Variants in FHIT observed in about 807,000 individuals in gnomAD.
FHIT encodes the protein fragile histidine triad diadenosine triphosphatase, also known as bis(5'-adenosyl)-triphosphatase.
Under a neutral mutation model 17.9 loss-of-function variants are expected in FHIT, and 19 were observed. The ratio of observed to expected loss-of-function variants is 1.06; its 90% CI spans 0.74 to 1.56. The LOEUF (loss-of-function observed/expected upper bound fraction) is 1.56, where lower values mean the gene tolerates loss of function less well. Ranked by LOEUF, FHIT falls within the 40% of genes most tolerant of loss-of-function variation. The pLI is 0.00. For missense variants in FHIT, 248 were observed against 189.2 expected, an observed-to-expected ratio of 1.31 and a Z score of -1.82; for synonymous variants, 81 against 69.7, an observed-to-expected ratio of 1.16 and a Z score of -0.81.
intron 5 of FHIT, among the ~76,000 whole-genome samples, chr3:60,376,524 C>CAAAA: frequency 6.6e-6 from 1 of 152,140 alleles, no homozygotes; most frequent in Admixed American, 6.5e-5. Context: ...CTGCCTTCAG[C>CAAAA]AAAAGAGTCT....
chr3:60,826,504 T>G (rs1342014097), intron 3 of FHIT, among the ~76,000 whole-genome samples: 1 of 152,204 alleles, frequency 6.6e-6, no homozygotes, highest in African/African-American at 2.4e-5. Context: ...TTTTGTATTT[T>G]TAGTAGAGAC....
At chr3:60,560,844 C>CACACACACACAG (rs139684970) in intron 4 of FHIT, among the ~76,000 whole-genome samples, 2 of 122,262 alleles carry the variant, frequency 1.6e-5, no homozygotes, top group Non-Finnish European at 3.4e-5. Flanking sequence ...CACACACACA[C>CACACACACACAG]AGAGAGAGAG....
At chr3:60,621,609 A>T (rs946472098) in intron 4 of FHIT, among the ~76,000 whole-genome samples, 13 of 152,188 alleles carry the variant, frequency 8.5e-5, no homozygotes, top group Non-Finnish European at 1.6e-4. Context: ...AGACTCCAGA[A>T]AATACATGTG....
At chr3:60,010,806 C>T (rs1017858573) in intron 7 of FHIT, among the ~76,000 whole-genome samples, 6 of 152,082 alleles carry the variant, frequency 3.9e-5, no homozygotes, top group Non-Finnish European at 8.8e-5. Flanking sequence ...TCTTTGAGCT[C>T]CACTGACTCC....
chr3:60,037,070 G>A (rs1283504240), intron 5 of FHIT, among the ~76,000 whole-genome samples: 2 of 152,168 alleles, frequency 1.3e-5, no homozygotes, highest in African/African-American at 4.8e-5. Context: ...GTAGACCAAC[G>A]TCACCTTGTC....
chr3:61,085,461 A>C (rs1374493104), intron 2 of FHIT, among the ~76,000 whole-genome samples: 1 of 152,032 alleles, frequency 6.6e-6, no homozygotes, highest in Non-Finnish European at 1.5e-5. Context: ...ATTAATGTAT[A>C]TGCTTTGGTT....
chr3:60,712,064 C>A, intron 4 of FHIT, among the ~76,000 whole-genome samples: 1 of 152,352 alleles, frequency 6.6e-6, no homozygotes, highest in South Asian at 2.1e-4. Flanking sequence ...ATCAGACTAA[C>A]AGCTGATCTC....
At chr3:60,436,649 TA>T (rs1389509071) in intron 5 of FHIT, among the ~76,000 whole-genome samples, 4 of 152,244 alleles carry the variant, frequency 2.6e-5, no homozygotes, top group South Asian at 2.1e-4. Flanking sequence ...CATTTTTTAT[TA>T]AATCATGAAT....
chr3:60,164,189 G>T (rs999101738), intron 5 of FHIT, among the ~76,000 whole-genome samples: 2 of 152,180 alleles, frequency 1.3e-5, no homozygotes, highest in Non-Finnish European at 2.9e-5. Flanking sequence ...CAGGGGAAAT[G>T]AATCCCTGGC....
chr3:59,767,038 G>T (rs765671823), intron 8 of FHIT, among the ~76,000 whole-genome samples: 27 of 152,154 alleles, frequency 1.8e-4, no homozygotes, highest in Non-Finnish European at 2.8e-4. Flanking sequence ...TGGCATCCCA[G>T]ATGCAAAACA....
intron 4 of FHIT, among the ~76,000 whole-genome samples, chr3:60,792,181 G>A (rs190481939): frequency 6.6e-6 from 1 of 152,288 alleles, no homozygotes. Flanking sequence ...ATAAATAAAT[G>A]ATTTAGACAC....
chr3:60,726,233 A>C lies in FHIT; in HGVS notation c.-18+95686T>G, dbSNP rs557015281. Reference sequence around the variant, plus strand: ...CAATCAAGATTTATTTGATCGCTGAAAGGGTTTTGTCAACACTCCAAAAAT... The same window carrying C: ...CAATCAAGATTTATTTGATCGCTGACAGGGTTTTGTCAACACTCCAAAAAT... On this transcript the variant is annotated intron_variant, in intron 4 of 9. Coordinates refer to ENST00000492590, the MANE Select transcript of FHIT (RefSeq NM_002012.4). Among the ~76,000 whole-genome samples the C allele has an allele frequency of 1.2e-4, 19 of 152,276 alleles. 1 individual carries two copies. In the South Asian group the frequency reaches 3.9e-3, roughly 32 times the overall value.
intron 8 of FHIT, among the ~76,000 whole-genome samples, chr3:59,792,635 T>C (rs1255119300): frequency 6.6e-6 from 1 of 152,194 alleles, no homozygotes; most frequent in Admixed American, 6.5e-5. Flanking sequence ...ATTACAGATG[T>C]TAAATGCTTA....
chr3:59,891,235 CA>C (rs1014907631), intron 8 of FHIT, among the ~76,000 whole-genome samples: 2 of 152,132 alleles, frequency 1.3e-5, no homozygotes, highest in African/African-American at 4.8e-5. Flanking sequence ...TATCAGGAAC[CA>C]AGGACACAAA....
chr3:60,347,443 C>A (rs1576512953), intron 5 of FHIT, among the ~76,000 whole-genome samples: 2 of 152,070 alleles, frequency 1.3e-5, no homozygotes, highest in South Asian at 4.2e-4. Flanking sequence ...TACATTACAG[C>A]CATTAAAAAA....
intron 7 of FHIT, among the ~76,000 whole-genome samples, chr3:59,954,747 A>G (rs62240082): frequency 0.088 from 13,372 of 152,226 alleles, 828 homozygotes; most frequent in South Asian, 0.15. Flanking sequence ...TTCCTTTTAG[A>G]AATTTCTTAT....
intron 4 of FHIT, among the ~76,000 whole-genome samples, chr3:60,777,692 T>C (rs1462832299): frequency 6.6e-6 from 1 of 152,204 alleles, no homozygotes; most frequent in African/African-American, 2.4e-5. Context: ...GGCAAGGAAA[T>C]ATATTTTGAG....
chr3:61,132,237 G>A (rs2036784537), intron 2 of FHIT, among the ~76,000 whole-genome samples: 3 of 152,130 alleles, frequency 2.0e-5, no homozygotes, highest in Admixed American at 1.3e-4. Flanking sequence ...GTCTGCATGG[G>A]CCACCCACAT....
chr3:59,766,634 A>C (rs889985307), intron 8 of FHIT, among the ~76,000 whole-genome samples: 1 of 152,208 alleles, frequency 6.6e-6, no homozygotes, highest in Non-Finnish European at 1.5e-5. Flanking sequence ...CGCAGTAGTA[A>C]TATACATTTC....
Sources: allele counts gnomAD v4.1 joint callset (sites outside exome capture counted in the v4.1 genomes callset), GRCh38; gene constraint gnomAD v4.1.1; transcripts MANE v1.5; gene names NCBI Gene and HGNC (gene_info 2026-07-23, HGNC 2026-07-21).